The following FAM107B variants were observed in gnomAD, a reference collection of about 807,000 sequenced individuals.
FAM107B encodes protein FAM107B.
In FAM107B, 21 loss-of-function variants were observed where a neutral mutation model predicts 31.5. That is an observed-to-expected ratio of 0.67 (90% CI 0.47 to 0.96). FAM107B has a LOEUF of 0.96. FAM107B is among the 40% of genes least tolerant of loss of function. The pLI, the probability that FAM107B is intolerant of heterozygous loss-of-function variation, is 0.00. For synonymous variants in FAM107B, 157 were observed against 141.5 expected (o/e 1.11, Z -0.78); for missense variants, 452 against 377.1 (o/e 1.20, Z -1.64).
chr10:14,726,420 G>C (rs1856037885), intron 1 of FAM107B, among the ~76,000 whole-genome samples: 1 of 152,206 alleles, frequency 6.6e-6, no homozygotes, highest in South Asian at 2.1e-4. Context: ...GGTGCAGCAG[G>C]ACAGGATGTC....
At chr10:14,574,098 A>G (rs1851390256) in intron 2 of FAM107B, among the ~76,000 whole-genome samples, 1 of 152,218 alleles carries the variant, frequency 6.6e-6, no homozygotes, top group Admixed American at 6.5e-5. Flanking sequence ...TCAGTTCAGT[A>G]AGAACAGGGT....
chr10:14,645,627 C>G (rs1348373551), intron 2 of FAM107B, among the ~76,000 whole-genome samples: 1 of 152,206 alleles, frequency 6.6e-6, no homozygotes, highest in Non-Finnish European at 1.5e-5. Context: ...TCCCAGAGGG[C>G]TTGGCTACTG....
At chr10:14,658,779 T>C (rs548025092) in intron 2 of FAM107B, among the ~76,000 whole-genome samples, 3 of 152,318 alleles carry the variant, frequency 2.0e-5, no homozygotes, top group African/African-American at 4.8e-5. Flanking sequence ...GTGCCTCCTA[T>C]ATGTCAGGCT....
chr10:14,744,727 C>G (rs1002566813), intron 1 of FAM107B, among the ~76,000 whole-genome samples: 5 of 152,044 alleles, frequency 3.3e-5, no homozygotes, highest in African/African-American at 4.8e-5. Context: ...GCTTTTTGAT[C>G]TGCTGCTGGA....
intron 2 of FAM107B, among the ~76,000 whole-genome samples, chr10:14,538,531 GGT>G (rs1290415313): frequency 2.6e-5 from 4 of 152,206 alleles, no homozygotes; most frequent in Admixed American, 6.5e-5. Context: ...TTTGATGTTA[GGT>G]GTCAGGATAA....
intron 1 of FAM107B, among the ~76,000 whole-genome samples, chr10:14,703,069 C>A (rs963451792): frequency 1.3e-5 from 2 of 152,170 alleles, no homozygotes; most frequent in African/African-American, 4.8e-5. Flanking sequence ...AGGTATTGCC[C>A]CTCAACCAAA....
chr10:14,696,954 G>T (rs1486274921), intron 1 of FAM107B, among the ~76,000 whole-genome samples: 1 of 152,136 alleles, frequency 6.6e-6, no homozygotes, highest in Non-Finnish European at 1.5e-5. Flanking sequence ...CTGTGGCCCT[G>T]AATCAACTGT....
At chr10:14,760,608 C>A (rs1833024200) in intron 1 of FAM107B, among the ~76,000 whole-genome samples, 1 of 149,564 alleles carries the variant, frequency 6.7e-6, no homozygotes, top group South Asian at 2.1e-4. Context: ...CGTTTTTTCA[C>A]AATTTTAGCT....
chr10:14,719,231 G>C (rs922979247), intron 1 of FAM107B, among the ~76,000 whole-genome samples: 26 of 152,262 alleles, frequency 1.7e-4, no homozygotes, highest in African/African-American at 6.3e-4. Flanking sequence ...CCTGGGTTCG[G>C]GAGTCAGAGT....
chr10:14,543,315 A>T (rs1333285397), intron 2 of FAM107B, among the ~76,000 whole-genome samples: 1 of 152,242 alleles, frequency 6.6e-6, no homozygotes, highest in East Asian at 1.9e-4. Context: ...AATTGCAAGA[A>T]GAAAACTAGT....
At chr10:14,755,182 T>C (rs1832903506) in intron 1 of FAM107B, among the ~76,000 whole-genome samples, 1 of 152,274 alleles carries the variant, frequency 6.6e-6, no homozygotes, top group African/African-American at 2.4e-5. Context: ...ACACCAACCA[T>C]GGTCTAAATG....
intron 4 of FAM107B, 39 bp downstream of exon 4, chr10:14,521,829 CA>C: frequency 6.2e-7 from 1 of 1,601,044 alleles, no homozygotes; most frequent in Non-Finnish European, 8.5e-7. Context: ...TTCTTCAAGA[CA>C]AAAACAAAAA....
intron 2 of FAM107B, chr10:14,604,178 G>C (rs1282903952): frequency 1.0e-6 from 1 of 963,858 alleles, no homozygotes; most frequent in African/African-American, 1.8e-5. Flanking sequence ...GGGCAGGGCC[G>C]CCGCCCGCCT....
intron 1 of FAM107B, among the ~76,000 whole-genome samples, chr10:14,721,040 C>T (rs1366498118): frequency 3.3e-5 from 5 of 152,008 alleles, no homozygotes; most frequent in Admixed American, 6.6e-5. Flanking sequence ...TTCCCCGCCC[C>T]GTGTTCAAGT....
intron 2 of FAM107B, among the ~76,000 whole-genome samples, chr10:14,577,601 T>A (rs867234770): frequency 2.0e-5 from 3 of 152,330 alleles, no homozygotes; most frequent in African/African-American, 4.8e-5. Context: ...ATTTTCAGGT[T>A]GAGATCCTGG....
chr10:14,579,732 T>C (rs754920974), intron 2 of FAM107B, among the ~76,000 whole-genome samples: 8 of 152,124 alleles, frequency 5.3e-5, no homozygotes, highest in Non-Finnish European at 1.0e-4. Context: ...CAAAAAAGAT[T>C]TGGAGTGTGT....
chr10:14,721,295 G>T (rs61842963), intron 1 of FAM107B, among the ~76,000 whole-genome samples: 10 of 151,992 alleles, frequency 6.6e-5, no homozygotes, highest in South Asian at 2.1e-4. Flanking sequence ...GAATAGTGCC[G>T]CTATAAACAT....
At chr10:14,652,631 C>T (rs1853930791) in intron 2 of FAM107B, 1 of 152,202 alleles carries the variant, frequency 6.6e-6, no homozygotes, top group Non-Finnish European at 1.5e-5. Flanking sequence ...GCACGTTATG[C>T]ATTGTTCTAA....
At chr10:14,569,679 A>C (rs1564576476) in intron 2 of FAM107B, among the ~76,000 whole-genome samples, 1 of 152,236 alleles carries the variant, frequency 6.6e-6, no homozygotes, top group Non-Finnish European at 1.5e-5. Context: ...ACAGGTCAGC[A>C]GAAGTGACAG....
Sources: allele counts gnomAD v4.1 joint callset (sites outside exome capture counted in the v4.1 genomes callset), GRCh38; gene constraint gnomAD v4.1.1; transcripts MANE v1.5; gene names NCBI Gene and HGNC (gene_info 2026-07-23, HGNC 2026-07-21).